IQCM: variants seen among roughly 807,000 people sequenced by gnomAD.
The protein encoded by IQCM is IQ domain-containing protein M.
A neutral mutation model predicts 57.6 loss-of-function variants in IQCM; 45 were observed. The observed-to-expected ratio is 0.78, with a 90% CI of 0.62 to 1.00. IQCM has a LOEUF of 1.00. Among genes scored for constraint, IQCM ranks in the 50% least tolerant of loss-of-function variants. IQCM has a pLI of 0.00. For synonymous variants in IQCM, 148 were observed against 158.9 expected (o/e 0.93, Z 0.51); for missense variants, 468 against 511.6 (o/e 0.91, Z 0.82).
intron 13 of IQCM, among the ~76,000 whole-genome samples, chr4:149,369,923 TCTCA>T (rs1185877256): frequency 6.6e-6 from 1 of 152,164 alleles, no homozygotes; most frequent in Non-Finnish European, 1.5e-5. Flanking sequence ...GGAGACAAGG[TCTCA>T]CTCAGTCACT....
chr4:149,458,180 A>G (rs1380902484), intron 12 of IQCM, among the ~76,000 whole-genome samples: 1 of 152,098 alleles, frequency 6.6e-6, no homozygotes, highest in Non-Finnish European at 1.5e-5. Flanking sequence ...AAAGTGCTTA[A>G]TAACTAAGAT....
intron 2 of IQCM, among the ~76,000 whole-genome samples, chr4:149,778,147 C>T (rs917484867): frequency 1.3e-5 from 2 of 152,150 alleles, no homozygotes; most frequent in Non-Finnish European, 2.9e-5. Context: ...GAGGCCAAGG[C>T]GGGTGGATCA....
chr4:149,728,213 T>C (rs1766137479), intron 5 of IQCM, among the ~76,000 whole-genome samples: 1 of 152,224 alleles, frequency 6.6e-6, no homozygotes, highest in South Asian at 2.1e-4. Flanking sequence ...TTGAAAATGG[T>C]TTTGCAATTG....
chr4:149,610,111 AC>A (rs1347131051), intron 8 of IQCM, among the ~76,000 whole-genome samples: 1 of 151,842 alleles, frequency 6.6e-6, no homozygotes, highest in African/African-American at 2.4e-5. Flanking sequence ...AAAGAAACCA[AC>A]AAAGTAATTC....
intron 12 of IQCM, among the ~76,000 whole-genome samples, chr4:149,449,774 A>C (rs1039634290): frequency 1.1e-4 from 17 of 151,892 alleles, no homozygotes; most frequent in African/African-American, 3.9e-4. Context: ...TAAAATGTAC[A>C]TACTACCCAA....
chr4:149,735,671 GA>G (rs1389924927), intron 3 of IQCM, among the ~76,000 whole-genome samples: 1 of 152,026 alleles, frequency 6.6e-6, no homozygotes, highest in Non-Finnish European at 1.5e-5. Flanking sequence ...ATACAAAACA[GA>G]AACATCCTTC....
At chr4:149,759,854 G>C (rs1053772995) in intron 2 of IQCM, among the ~76,000 whole-genome samples, 1 of 151,836 alleles carries the variant, frequency 6.6e-6, no homozygotes, top group Admixed American at 6.6e-5. Context: ...AAAGCAAAAA[G>C]TATATTAAAT....
chr4:149,630,376 T>C (rs1561080643), intron 7 of IQCM, among the ~76,000 whole-genome samples: 1 of 152,150 alleles, frequency 6.6e-6, no homozygotes, highest in Non-Finnish European at 1.5e-5. Flanking sequence ...ATAGTACAAA[T>C]GATTGTTATG....
intron 13 of IQCM, among the ~76,000 whole-genome samples, chr4:149,383,424 C>T (rs1731210566): frequency 1.3e-5 from 2 of 152,114 alleles, no homozygotes; most frequent in Non-Finnish European, 2.9e-5. Flanking sequence ...GAATGTGATA[C>T]TGTGGTCAAG....
At chr4:149,619,131 T>TATATATATATATATAC (rs1491165190) in intron 8 of IQCM, among the ~76,000 whole-genome samples, 2 of 142,056 alleles carry the variant, frequency 1.4e-5, no homozygotes, top group African/African-American at 2.8e-5. Flanking sequence ...TATATATATA[T>TATATATATATATATAC]ACACCATGGA....
At chr4:149,720,183 A>G (rs1765330724) in intron 5 of IQCM, among the ~76,000 whole-genome samples, 1 of 152,222 alleles carries the variant, frequency 6.6e-6, no homozygotes, top group Admixed American at 6.5e-5. Flanking sequence ...AAACCTCTGC[A>G]AGTCACCACT....
intron 12 of IQCM, among the ~76,000 whole-genome samples, chr4:149,449,872 A>C (rs1035961046): frequency 6.6e-6 from 1 of 151,688 alleles, no homozygotes; most frequent in African/African-American, 2.4e-5. Context: ...AAAATTGATA[A>C]GGAATCAAAA....
intron 13 of IQCM, among the ~76,000 whole-genome samples, chr4:149,412,066 T>TTGTG (rs35663253): frequency 8.1e-5 from 12 of 148,832 alleles, no homozygotes; most frequent in South Asian, 4.4e-4. Context: ...GTGTGTGTGT[T>TTGTG]TGTGTGTGTG....
At chr4:149,651,906 A>C (rs995541126) in intron 7 of IQCM, among the ~76,000 whole-genome samples, 1 of 152,174 alleles carries the variant, frequency 6.6e-6, no homozygotes. Flanking sequence ...TTTCTCGAGG[A>C]TTTAGAAAAA....
chr4:149,743,913 C>T (rs1236642143), intron 2 of IQCM, among the ~76,000 whole-genome samples: 1 of 152,164 alleles, frequency 6.6e-6, no homozygotes, highest in Non-Finnish European at 1.5e-5. Context: ...ATATTAAATG[C>T]TTTAGCAGAG....
intron 12 of IQCM, among the ~76,000 whole-genome samples, chr4:149,532,496 G>A (rs1231697564): frequency 2.7e-5 from 4 of 147,934 alleles, no homozygotes; most frequent in African/African-American, 9.9e-5. Context: ...TGCTTTTTCT[G>A]AAGGATAATT....
chr4:149,612,423 G>A (rs1310457612), intron 8 of IQCM, among the ~76,000 whole-genome samples: 1 of 151,920 alleles, frequency 6.6e-6, no homozygotes, highest in Non-Finnish European at 1.5e-5. Flanking sequence ...TATTTCTGAG[G>A]TCTTTTTTGT....
chr4:149,567,482 G>A (rs1272656126), intron 9 of IQCM, among the ~76,000 whole-genome samples: 2 of 151,936 alleles, frequency 1.3e-5, no homozygotes, highest in African/African-American at 4.8e-5. Flanking sequence ...GAGTAGCTGG[G>A]ATTACAGGTG....
At chr4:149,696,190 C>T (rs181948580) in intron 5 of IQCM, among the ~76,000 whole-genome samples, 20 of 152,258 alleles carry the variant, frequency 1.3e-4, no homozygotes, top group Non-Finnish European at 7.4e-5. Context: ...AAACTGCTCT[C>T]ATCAAAGATA....
Sources: gnomAD v4.1 joint callset for allele counts (sites outside exome capture counted in the v4.1 genomes callset) on GRCh38, gnomAD v4.1.1 for gene constraint, MANE v1.5 for transcripts, NCBI Gene and HGNC (gene_info 2026-07-23, HGNC 2026-07-21) for gene names.